MTR: variants seen among roughly 807,000 people sequenced by gnomAD.
The protein encoded by MTR is methionine synthase.
MTR carries 84 observed loss-of-function variants against 154.8 expected under a neutral mutation model. The observed-to-expected ratio is 0.54, with a 90% CI of 0.45 to 0.65. MTR has a LOEUF of 0.65. Ranked by LOEUF, MTR falls within the 30% of genes least tolerant of loss-of-function variation. The pLI is 0.00. For synonymous variants in MTR, 554 were observed against 553.9 expected, an observed-to-expected ratio of 1.00 and a Z score of 0.00; for missense variants, 1,275 against 1,570.2, an observed-to-expected ratio of 0.81 and a Z score of 3.18.
chr1:236,861,591 TAG>T (rs1284908377), intron 20 of MTR, among the ~76,000 whole-genome samples: 3 of 152,192 alleles, frequency 2.0e-5, no homozygotes, highest in Non-Finnish European at 2.9e-5. Flanking sequence ...AAGATAAATG[TAG>T]AGTTACTAAC....
rs936277862 is a variant in MTR at position 236,815,480 on chromosome 1, C to T, written c.610-124C>T. On this transcript the variant is annotated intron_variant, in intron 6 of 32. Transcript: ENST00000366577. ...GCCTTATAAGGAAGACACTTCTTCC[C>T]AGAGAGCTTGATGTATATCTTATCT... The T allele has an allele frequency of 6.4e-6, 6 of 930,866 alleles. No individual in the cohort carries two copies. In the East Asian group the frequency reaches 1.5e-4, roughly 23 times the overall value. The allele number at this position is 930,866 out of a possible 1,614,324, so 57.7% of individuals were successfully genotyped here. A position where few individuals can be genotyped will look rare whatever the true frequency, so the allele number is the denominator to read the frequency against.
intron 8 of MTR, among the ~76,000 whole-genome samples, chr1:236,819,254 C>T (rs1002232666): frequency 2.0e-5 from 3 of 152,108 alleles, no homozygotes; most frequent in Non-Finnish European, 4.4e-5. Flanking sequence ...CCTTGTGCTC[C>T]AGTTATTTAT....
rs1666514962 is a variant in MTR at position 236,894,572 on chromosome 1, T to C, written c.3405+15T>C. On this transcript the variant is annotated intron_variant, in intron 30 of 32. Coordinates refer to ENST00000366577, the MANE Select transcript of MTR (RefSeq NM_000254.3). ...GGCTGGCAGAGGTAAGGCAGAGGCA[T>C]TGCGCCGAGGGGCTGAGGACAGAGG... is the stretch of plus-strand genomic sequence containing the variant. The C allele has an allele frequency of 6.2e-7, 1 of 1,613,036 alleles. No homozygotes were observed. Among genetic ancestry groups the C allele is most frequent in the African/African-American group, 1.3e-5 (1 of 74,702 alleles).
At chr1:236,810,674 GAATC>G (rs1282123209) in intron 5 of MTR, 79 bp downstream of exon 5, 8 of 1,212,376 alleles carry the variant, frequency 6.6e-6, no homozygotes, top group Non-Finnish European at 2.4e-6. Context: ...CTGTAAAATG[GAATC>G]AATAACAGGA....
At chr1:236,825,832 A>G (rs1662258491) in intron 10 of MTR, among the ~76,000 whole-genome samples, 1 of 152,078 alleles carries the variant, frequency 6.6e-6, no homozygotes, top group Admixed American at 6.5e-5. Flanking sequence ...CATACTATCC[A>G]CTGCTGCTTC....
intron 8 of MTR, among the ~76,000 whole-genome samples, chr1:236,817,606 C>T (rs1286959471): frequency 6.6e-6 from 1 of 152,118 alleles, no homozygotes; most frequent in Non-Finnish European, 1.5e-5. Context: ...TACTGAGACT[C>T]AGAGGTTGTA....
intron 23 of MTR, among the ~76,000 whole-genome samples, chr1:236,874,170 C>G (rs1355541649): frequency 6.6e-6 from 1 of 152,116 alleles, no homozygotes; most frequent in Non-Finnish European, 1.5e-5. Context: ...TTTATTGCAT[C>G]GTTTCCTAAA....
At chr1:236,892,975 T>A (rs578158366) in intron 29 of MTR, among the ~76,000 whole-genome samples, 34 of 152,284 alleles carry the variant, frequency 2.2e-4, no homozygotes, top group Admixed American at 7.2e-4. Flanking sequence ...ATACATTACC[T>A]ACCCAGGTAG....
At chr1:236,896,974 C>T (rs372139441) in intron 31 of MTR, 32 bp from the exon 32 acceptor site, 3 of 1,505,222 alleles carry the variant, frequency 2.0e-6, no homozygotes, top group African/African-American at 1.4e-5. Context: ...ACACTGAGTC[C>T]ATAAGCATTT....
In MTR at chr1:236,844,499, T is replaced by C. The variant is rs926288063; in HGVS notation, c.1516-5845T>C. ...GTGTGTGTGTGTGTGTGTGTGTGTG[T>C]GTGTAGATGCTGTGACAACATGTTT... is the stretch of plus-strand genomic sequence containing the variant. On this transcript the variant is annotated intron_variant, in intron 15 of 32. Transcript: ENST00000366577. 1.6e-4 allele frequency among the ~76,000 whole-genome samples: 20 copies of C among 125,298 alleles called. 1 individual carries two copies. In the Middle Eastern group the frequency reaches 0.017, roughly 109 times the overall value. 82.2% of individuals were successfully genotyped at this position (125,298 alleles called of 152,430 possible).
intron 11 of MTR, among the ~76,000 whole-genome samples, chr1:236,827,929 T>C (rs1206931433): frequency 6.6e-6 from 1 of 152,166 alleles, no homozygotes; most frequent in Non-Finnish European, 1.5e-5. Context: ...TGAGTTACCT[T>C]GTAGTTCACT....
chr1:236,842,786 A>G (rs1267019751), intron 15 of MTR, among the ~76,000 whole-genome samples: 1 of 149,200 alleles, frequency 6.7e-6, no homozygotes, highest in Non-Finnish European at 1.5e-5. Flanking sequence ...AAAAAGATGT[A>G]TATATATATA....
chr1:236,822,591 T>A (rs1040890319), intron 8 of MTR, among the ~76,000 whole-genome samples: 2 of 152,214 alleles, frequency 1.3e-5, no homozygotes, highest in Non-Finnish European at 2.9e-5. Flanking sequence ...ATTACAGGCA[T>A]GAGCCACTGT....
Position 236,885,161 on chromosome 1 carries a change from T to C in MTR, c.2717T>C (p.Phe906Ser). 2 of 1,610,704 alleles carry C rather than the reference T, an allele frequency of 1.2e-6. No individual in the cohort carries two copies. Among genetic ancestry groups the C allele is most frequent in the Non-Finnish European group, 1.7e-6 (2 of 1,176,916 alleles). Residue 906 changes from phenylalanine (F) to serine (S), a missense_variant, in exon 26 of 33, where the codon TTT (phenylalanine) becomes TCT (serine). Phe to Ser is a radical substitution (Grantham distance 155). Coordinates refer to ENST00000366577, the MANE Select transcript of MTR (RefSeq NM_000254.3). ...GATGAAAATCTAAAGGATGAATACT[T>C]TGAGGAAATCATGGAAGAATATGAA... ...LLDENLKDEYFEEIMEEYEDI... is the reference protein window; with the variant it reads ...LLDENLKDEYSEEIMEEYEDI...
intron 29 of MTR, 41 bp from the exon 30 acceptor site, chr1:236,894,316 T>C: frequency 6.2e-7 from 1 of 1,602,012 alleles, no homozygotes; most frequent in Non-Finnish European, 8.6e-7. Flanking sequence ...ACGTTCTTGC[T>C]AACGGCGCCC....
At chr1:236,832,723 C>T (rs537590585) in intron 13 of MTR, among the ~76,000 whole-genome samples, 27 of 152,228 alleles carry the variant, frequency 1.8e-4, no homozygotes, top group African/African-American at 6.5e-4. Context: ...CTTTATCATC[C>T]AACTTTCCTC....
intron 2 of MTR, among the ~76,000 whole-genome samples, chr1:236,804,378 G>C (rs116929180): frequency 6.6e-6 from 1 of 152,092 alleles, no homozygotes; most frequent in Non-Finnish European, 1.5e-5. Context: ...GAAAGCTGGC[G>C]CTCACCCATT....
Position 236,812,725 on chromosome 1 carries a change from T to G in MTR, c.503-13T>G. The G allele has an allele frequency of 1.2e-6, 2 of 1,611,440 alleles. No homozygotes were observed. The highest frequency in any genetic ancestry group is 1.7e-6 in the Non-Finnish European group (2 of 1,177,568). ...TGATGACTGATGTGCTGGGTGTGATTTATTTTTTGCAGCATTTGATGAGCT... is the reference window on the plus strand; with the variant it reads ...TGATGACTGATGTGCTGGGTGTGATGTATTTTTTGCAGCATTTGATGAGCT... On this transcript the variant is annotated splice_polypyrimidine_tract_variant and intron_variant, in intron 5 of 32. Transcript: ENST00000366577.
intron 21 of MTR, 50 bp downstream of exon 21, chr1:236,862,393 G>A (rs372879893): frequency 6.8e-7 from 1 of 1,481,406 alleles, no homozygotes; most frequent in Non-Finnish European, 9.4e-7. Context: ...TGACCTGGAA[G>A]ACTTGAGGTG....
Sources: allele counts gnomAD v4.1 joint callset (sites outside exome capture counted in the v4.1 genomes callset), GRCh38; gene constraint gnomAD v4.1.1; transcripts MANE v1.5; gene names NCBI Gene and HGNC (gene_info 2026-07-23, HGNC 2026-07-21).